Variants in KCTD8 observed in about 807,000 individuals in gnomAD.
KCTD8 encodes the protein BTB/POZ domain-containing protein KCTD8.
In KCTD8, 27 loss-of-function variants were observed where a neutral mutation model predicts 31.5. The observed-to-expected ratio is 0.86, with a 90% CI of 0.63 to 1.18. The LOEUF (loss-of-function observed/expected upper bound fraction) is 1.18, where lower values mean the gene tolerates loss of function less well. Ranked by LOEUF, KCTD8 falls within the 50% of genes most tolerant of loss-of-function variation. The pLI, the probability that KCTD8 is intolerant of heterozygous loss-of-function variation, is 0.00. For missense variants in KCTD8, 658 were observed against 647.7 expected, an observed-to-expected ratio of 1.02 and a Z score of -0.17; for synonymous variants, 290 against 280.0, an observed-to-expected ratio of 1.04 and a Z score of -0.36.
At chr4:44,257,139 T>C (rs1716014073) in intron 1 of KCTD8, among the ~76,000 whole-genome samples, 1 of 151,976 alleles carries the variant, frequency 6.6e-6, no homozygotes, top group Admixed American at 6.6e-5. Context: ...GTGCTGTTAA[T>C]GTCTGATCTT....
At chr4:44,419,533 G>A (rs1378447647) in intron 1 of KCTD8, among the ~76,000 whole-genome samples, 1 of 152,138 alleles carries the variant, frequency 6.6e-6, no homozygotes, top group Non-Finnish European at 1.5e-5. Context: ...ATAAAAGGAT[G>A]AGTTCATGTC....
intron 1 of KCTD8, among the ~76,000 whole-genome samples, chr4:44,252,448 T>C (rs556130198): frequency 9.1e-4 from 138 of 151,936 alleles, no homozygotes; most frequent in African/African-American, 3.3e-3. Flanking sequence ...TTGTTTTCCA[T>C]AGTAGTTGTA....
chr4:44,315,885 T>C (rs1451411428), intron 1 of KCTD8, among the ~76,000 whole-genome samples: 1 of 152,148 alleles, frequency 6.6e-6, no homozygotes, highest in Non-Finnish European at 1.5e-5. Context: ...TCTTTCTAAA[T>C]AGTTTTAAGG....
At chr4:44,180,452 T>A (rs1427663542) in intron 1 of KCTD8, among the ~76,000 whole-genome samples, 1 of 152,224 alleles carries the variant, frequency 6.6e-6, no homozygotes, top group Non-Finnish European at 1.5e-5. Flanking sequence ...TAAACTAGGA[T>A]ATCCATCCAG....
intron 1 of KCTD8, among the ~76,000 whole-genome samples, chr4:44,425,921 A>G (rs1299056566): frequency 1.3e-5 from 2 of 151,856 alleles, no homozygotes; most frequent in Admixed American, 6.6e-5. Flanking sequence ...TGTCTGTACC[A>G]TACCATTTGC....
At chr4:44,187,643 T>C (rs1191071731) in intron 1 of KCTD8, among the ~76,000 whole-genome samples, 1 of 152,236 alleles carries the variant, frequency 6.6e-6, no homozygotes, top group Non-Finnish European at 1.5e-5. Context: ...TTTTCTAATT[T>C]GTGAACACAA....
In KCTD8 at chr4:44,448,597, C is replaced by G; in HGVS notation, c.-74G>C. ...TTCCCGGAGCCCGCGCCCCAGCCCT[C>G]CGCGTGCTCCTGGCGCTCTGCGCCC... On this transcript the variant is annotated 5_prime_UTR_variant, in exon 1 of 2. Transcript: ENST00000360029. The surrounding 1 kb of genome is among the most constrained non-coding windows in gnomAD (Gnocchi z 4.1). 1 of 1,352,310 alleles carries G rather than the reference C, an allele frequency of 7.4e-7. No homozygotes were observed. Among genetic ancestry groups the G allele is most frequent in the South Asian group, 2.1e-5 (1 of 47,296 alleles). 83.8% of individuals were successfully genotyped at this position (1,352,310 alleles called of 1,614,324 possible).
intron 1 of KCTD8, among the ~76,000 whole-genome samples, chr4:44,330,380 TTTCTC>T (rs898574027): frequency 7.9e-5 from 12 of 152,062 alleles, no homozygotes; most frequent in African/African-American, 2.4e-4. Context: ...TGAGCCCAAA[TTTCTC>T]TTCTTAGTTT....
At chr4:44,418,073 A>T (rs7669423) in intron 1 of KCTD8, among the ~76,000 whole-genome samples, 3,910 of 152,280 alleles carry the variant, frequency 0.026, 104 homozygotes, top group African/African-American at 0.066. Flanking sequence ...TGAATGCTAT[A>T]ATACAGATCC....
At chr4:44,187,891 A>G (rs1264877440) in intron 1 of KCTD8, among the ~76,000 whole-genome samples, 1 of 152,124 alleles carries the variant, frequency 6.6e-6, no homozygotes, top group Non-Finnish European at 1.5e-5. Context: ...AATACTAAAC[A>G]GCTGCCTTAG....
At chr4:44,389,082 A>T (rs1333283312) in intron 1 of KCTD8, among the ~76,000 whole-genome samples, 1 of 151,792 alleles carries the variant, frequency 6.6e-6, no homozygotes, top group Non-Finnish European at 1.5e-5. Flanking sequence ...AAAACAATTG[A>T]ACTCACAGTG....
intron 1 of KCTD8, among the ~76,000 whole-genome samples, chr4:44,419,084 A>T (rs912847276): frequency 1.3e-5 from 2 of 152,198 alleles, no homozygotes; most frequent in Non-Finnish European, 2.9e-5. Flanking sequence ...GTGAAAACAT[A>T]ATTTTGAATA....
chr4:44,283,433 T>A (rs1053950039), intron 1 of KCTD8, among the ~76,000 whole-genome samples: 1 of 152,084 alleles, frequency 6.6e-6, no homozygotes, highest in African/African-American at 2.4e-5. Flanking sequence ...ATGACTGGCT[T>A]CCAATCATTA....
chr4:44,337,187 G>C lies in KCTD8; in HGVS notation c.961+110376C>G, dbSNP rs541921228. Among the ~76,000 whole-genome samples, 118 of 152,172 alleles carry C rather than the reference G, an allele frequency of 7.8e-4. 1 individual carries two copies. The highest frequency in any genetic ancestry group is 7.2e-3 in the South Asian group (35 of 4,828). On this transcript the variant is annotated intron_variant, in intron 1 of 1. Transcript: ENST00000360029. ...ATATGTTTAAACAATAACTAAAACA[G>C]ATTGTTGGCCAGCGTTCAGTAAAGA...
chr4:44,269,774 A>G (rs2109371369), intron 1 of KCTD8, among the ~76,000 whole-genome samples: 1 of 152,286 alleles, frequency 6.6e-6, no homozygotes, highest in South Asian at 2.1e-4. Context: ...TATGCAGCCA[A>G]CAGACACATG....
intron 1 of KCTD8, among the ~76,000 whole-genome samples, chr4:44,298,946 T>C (rs976904614): frequency 2.6e-5 from 4 of 152,018 alleles, no homozygotes; most frequent in African/African-American, 9.7e-5. Context: ...ACAAAATGCA[T>C]ACAGTTGTAA....
intron 1 of KCTD8, among the ~76,000 whole-genome samples, chr4:44,282,136 GT>G (rs148072067): frequency 6.6e-6 from 1 of 151,064 alleles, no homozygotes; most frequent in African/African-American, 2.4e-5. Context: ...CAGATGTTGT[GT>G]TTTTTTTTAA....
At chr4:44,177,947 C>A (rs1426170077) in intron 1 of KCTD8, among the ~76,000 whole-genome samples, 2 of 152,182 alleles carry the variant, frequency 1.3e-5, no homozygotes, top group Admixed American at 6.5e-5. Context: ...CAGACCCACT[C>A]TGGCCACCAG....
At chr4:44,377,440 G>A (rs1245372817) in intron 1 of KCTD8, among the ~76,000 whole-genome samples, 1 of 152,190 alleles carries the variant, frequency 6.6e-6, no homozygotes, top group African/African-American at 2.4e-5. Flanking sequence ...CATAGGCTCA[G>A]GAAGCAGGCT....
Sources: allele counts gnomAD v4.1 joint callset (sites outside exome capture counted in the v4.1 genomes callset), GRCh38; gene constraint gnomAD v4.1.1; non-coding constraint Gnocchi (gnomAD v3.1); transcripts MANE v1.5; gene names NCBI Gene and HGNC (gene_info 2026-07-23, HGNC 2026-07-21).